The following PIK3CA variants were observed in gnomAD, a reference collection of about 807,000 sequenced individuals.
PIK3CA encodes phosphatidylinositol 4,5-bisphosphate 3-kinase catalytic subunit alpha isoform.
In PIK3CA, 27 loss-of-function variants were observed where a neutral mutation model predicts 138.2. The observed-to-expected ratio is 0.20, with a 90% CI of 0.14 to 0.27. The LOEUF is 0.27. PIK3CA is among the 10% of genes least tolerant of loss of function. The pLI, the probability that PIK3CA is intolerant of heterozygous loss-of-function variation, is 1.00. For synonymous variants in PIK3CA, 358 were observed against 413.2 expected, an observed-to-expected ratio of 0.87 and a Z score of 1.62; for missense variants, 544 against 1,277.4, an observed-to-expected ratio of 0.43 and a Z score of 8.75.
intron 6 of PIK3CA, among the ~76,000 whole-genome samples, chr3:179,205,152 T>C (rs926888211): frequency 4.6e-5 from 7 of 151,800 alleles, no homozygotes; most frequent in African/African-American, 1.7e-4. Context: ...AGTTCCAGGC[T>C]GCAGTCAGCT....
chr3:179,154,309 G>GCT (rs1445137642), intron 1 of PIK3CA, among the ~76,000 whole-genome samples: 1 of 152,064 alleles, frequency 6.6e-6, no homozygotes, highest in African/African-American at 2.4e-5. Flanking sequence ...TACCACATGT[G>GCT]CTCTGCCTGT....
intron 9 of PIK3CA, among the ~76,000 whole-genome samples, chr3:179,215,810 T>C (rs1724823880): frequency 6.6e-6 from 1 of 152,204 alleles, no homozygotes; most frequent in Admixed American, 6.5e-5. Flanking sequence ...AAGGAAGATA[T>C]TTCACAAGCA....
intron 9 of PIK3CA, among the ~76,000 whole-genome samples, chr3:179,212,601 C>G (rs560614163): frequency 6.6e-6 from 1 of 151,718 alleles, no homozygotes; most frequent in Admixed American, 6.6e-5. Context: ...GAGACTCCGT[C>G]TCAAAAAAAC....
At position 179,199,830 on chromosome 3, in the gene PIK3CA, T is replaced by C. The variant is rs776203240; in HGVS notation, c.493T>C (p.Tyr165His). ...CAATTCACCTCATAGTAGAGCAATG[T>C]ATGTCTATCCTCCAAATGTAGAATC... Reference protein sequence around the residue: ...DLNSPHSRAMYVYPPNVESSP... With the variant: ...DLNSPHSRAMHVYPPNVESSP... Residue 165 changes from tyrosine to histidine, a missense_variant, in exon 3 of 21, where the codon TAT becomes CAT. Physicochemically the swap from Tyr to His is moderately conservative, Grantham distance 83 (BLOSUM62 2). Around this residue, in one of 14 missense-constraint regions of PIK3CA, gnomAD observed 234 missense variants for 401.3 expected, o/e 0.58. Transcript: ENST00000263967. 5 of 1,612,582 alleles carry C rather than the reference T, an allele frequency of 3.1e-6. No individual in the cohort carries two copies. The African/African-American group carries it at 5.3e-5, about 17-fold the overall frequency.
chr3:179,199,642 G>A (rs2108386942), intron 2 of PIK3CA, 48 bp from the exon 3 acceptor site: 1 of 1,291,098 alleles, frequency 7.7e-7, no homozygotes, highest in Non-Finnish European at 1.1e-6. Context: ...ACATGTTCAT[G>A]CTGTGTATGT....
chr3:179,176,347 A>G (rs989393173), intron 1 of PIK3CA, among the ~76,000 whole-genome samples: 1 of 152,160 alleles, frequency 6.6e-6, no homozygotes, highest in African/African-American at 2.4e-5. Context: ...ATGAGAATTG[A>G]CTGGCTTCTT....
chr3:179,190,530 G>T (rs1724106221), intron 1 of PIK3CA, among the ~76,000 whole-genome samples: 1 of 152,136 alleles, frequency 6.6e-6, no homozygotes, highest in Non-Finnish European at 1.5e-5. Context: ...TATTAACCCA[G>T]ATTTGAATCA....
In PIK3CA at chr3:179,210,475, G is replaced by C. The variant is rs202186428; in HGVS notation, c.1449G>C (p.Val483=). 9.1e-5 allele frequency: 147 copies of C among 1,613,888 alleles called. No individual in the cohort carries two copies. The highest frequency in any genetic ancestry group is 1.1e-4 in the Non-Finnish European group (132 of 1,179,940). ...LELEFDWFSS[V]VKFPDMSVIE... ...TGGAGTTTGACTGGTTCAGCAGTGT[G>C]GTAAAGTTCCCAGATATGTCAGTGA... The change falls in exon 9 of 21, where the codon GTG becomes GTC. Residue 483 remains valine, a synonymous_variant. Transcript: ENST00000263967.
At chr3:179,157,319 C>G (rs956806639) in intron 1 of PIK3CA, among the ~76,000 whole-genome samples, 1 of 152,092 alleles carries the variant, frequency 6.6e-6, no homozygotes, top group South Asian at 2.1e-4. Context: ...TTTTTTCTAA[C>G]TATATACCAA....
intron 1 of PIK3CA, among the ~76,000 whole-genome samples, chr3:179,166,466 T>G (rs767463054): frequency 4.6e-5 from 7 of 152,242 alleles, no homozygotes; most frequent in Non-Finnish European, 1.0e-4. Flanking sequence ...ATATTCACAC[T>G]TTATAAAAAT....
At chr3:179,217,497 TG>T (rs1391390495) in intron 9 of PIK3CA, among the ~76,000 whole-genome samples, 1 of 152,100 alleles carries the variant, frequency 6.6e-6, no homozygotes, top group African/African-American at 2.4e-5. Context: ...CCAAGTGGCA[TG>T]GATGTCTGCT....
chr3:179,167,591 CTCTT>C (rs1245843193), intron 1 of PIK3CA, among the ~76,000 whole-genome samples: 4 of 151,912 alleles, frequency 2.6e-5, no homozygotes, highest in Admixed American at 2.6e-4. Flanking sequence ...TATTTAAATC[CTCTT>C]TCTTTTTAAC....
At chr3:179,150,519 T>C (rs1434078999) in intron 1 of PIK3CA, among the ~76,000 whole-genome samples, 1 of 152,170 alleles carries the variant, frequency 6.6e-6, no homozygotes, top group African/African-American at 2.4e-5. Flanking sequence ...TTTAACTAAA[T>C]TGGTTATAGC....
rs1421986786 is a variant in PIK3CA, at chr3:179,235,720, A to G, written c.*1356A>G. On this transcript the variant is annotated 3_prime_UTR_variant, in exon 21 of 21. Coordinates refer to ENST00000263967, the MANE Select transcript of PIK3CA (RefSeq NM_006218.4). ...GAAACCATGAACTTTTTACCTTTTTAAACTATTTATCCATATCTCCAAAGT... is the reference window on the plus strand; with the variant it reads ...GAAACCATGAACTTTTTACCTTTTTGAACTATTTATCCATATCTCCAAAGT... 9.6e-6 allele frequency: 2 copies of G among 207,394 alleles called. No homozygotes were observed. The highest frequency in any genetic ancestry group is 4.5e-5 in the African/African-American group (2 of 43,958). The allele number at this position is 207,394 out of a possible 1,614,324, so 12.8% of individuals were successfully genotyped here. A position where few individuals can be genotyped will look rare whatever the true frequency, so the allele number is the denominator to read the frequency against.
Position 179,235,482 on chromosome 3 carries a change from G to A in PIK3CA, c.*1118G>A, listed in dbSNP as rs898036828. On this transcript the variant is annotated 3_prime_UTR_variant, in exon 21 of 21. Transcript: ENST00000263967. ...TATCCCATTTATACCAATAACCAGT[G>A]TATAACTACTTAAGGAAAACATAAA... is the stretch of plus-strand genomic sequence containing the variant. 5.3e-6 allele frequency: 1 copy of A among 190,428 alleles called. No individual in the cohort carries two copies. The highest frequency in any genetic ancestry group is 6.2e-5 in the Admixed American group (1 of 16,230). 11.8% of individuals were successfully genotyped at this position (190,428 alleles called of 1,614,324 possible).
intron 17 of PIK3CA, among the ~76,000 whole-genome samples, chr3:179,226,640 T>C (rs1725089767): frequency 6.6e-6 from 1 of 152,102 alleles, no homozygotes; most frequent in African/African-American, 2.4e-5. Flanking sequence ...GGCCTATAAG[T>C]GGACATAGAG....
At chr3:179,166,549 C>T (rs2699905) in intron 1 of PIK3CA, among the ~76,000 whole-genome samples, 28,195 of 152,194 alleles carry the variant, frequency 0.19, 2,944 homozygotes, top group Non-Finnish European at 0.25. Context: ...ACTTTCACAT[C>T]TAACCTTCTT....
chr3:179,157,304 T>C (rs1378692009), intron 1 of PIK3CA, among the ~76,000 whole-genome samples: 1 of 152,206 alleles, frequency 6.6e-6, no homozygotes, highest in African/African-American at 2.4e-5. Flanking sequence ...GTGATATTTG[T>C]GTTCTTTTTT....
chr3:179,150,085 CAT>C (rs958054845), intron 1 of PIK3CA, among the ~76,000 whole-genome samples: 2 of 151,144 alleles, frequency 1.3e-5, no homozygotes, highest in African/African-American at 2.4e-5. Flanking sequence ...CTAAACATCA[CAT>C]GTTCTGGAAA....
Sources: gnomAD v4.1 joint callset for allele counts (sites outside exome capture counted in the v4.1 genomes callset) on GRCh38, gnomAD v4.1.1 for gene constraint, gnomAD v4.1.1 regional missense constraint, MANE v1.5 for transcripts, NCBI Gene and HGNC (gene_info 2026-07-23, HGNC 2026-07-21) for gene names.